The following DPP10 variants were observed in gnomAD, a reference collection of about 807,000 sequenced individuals.
The protein encoded by DPP10 is inactive dipeptidyl peptidase 10.
A neutral mutation model predicts 120.9 loss-of-function variants in DPP10; 33 were observed. The observed-to-expected ratio is 0.27, with a 90% CI of 0.21 to 0.37. The LOEUF (loss-of-function observed/expected upper bound fraction) is 0.37, where lower values mean the gene tolerates loss of function less well. Ranked by LOEUF, DPP10 falls within the 10% of genes least tolerant of loss-of-function variation. DPP10 has a pLI of 1.00. For synonymous variants in DPP10, 337 were observed against 326.1 expected, an observed-to-expected ratio of 1.03 and a Z score of -0.36; for missense variants, 816 against 942.8, an observed-to-expected ratio of 0.87 and a Z score of 1.76.
intron 1 of DPP10, among the ~76,000 whole-genome samples, chr2:114,607,850 C>T (rs1046455673): frequency 2.6e-5 from 4 of 152,326 alleles, no homozygotes; most frequent in Admixed American, 2.0e-4. Flanking sequence ...TGAGTGCCAC[C>T]GCACCAACCC....
intron 1 of DPP10, among the ~76,000 whole-genome samples, chr2:114,837,860 T>C (rs1011480352): frequency 3.3e-5 from 5 of 152,224 alleles, no homozygotes; most frequent in Non-Finnish European, 5.9e-5. Context: ...ACAATGTCCA[T>C]CTATTGCAGG....
At chr2:114,893,350 G>A (rs767496372) in intron 1 of DPP10, among the ~76,000 whole-genome samples, 1 of 152,146 alleles carries the variant, frequency 6.6e-6, no homozygotes, top group Non-Finnish European at 1.5e-5. Flanking sequence ...CAGATTAAAT[G>A]TTGCAGAGAT....
At chr2:115,648,623 AAAAG>A (rs2087485117) in intron 5 of DPP10, among the ~76,000 whole-genome samples, 1 of 152,076 alleles carries the variant, frequency 6.6e-6, no homozygotes, top group Admixed American at 6.6e-5. Flanking sequence ...AAAAAAAAAA[AAAAG>A]AAACATTAAA....
At chr2:115,365,124 G>T (rs533527064) in intron 3 of DPP10, among the ~76,000 whole-genome samples, 92 of 152,136 alleles carry the variant, frequency 6.0e-4, no homozygotes, top group Non-Finnish European at 1.1e-3. Context: ...AAATATTTAT[G>T]TTTAGATTCC....
chr2:115,307,570 A>G (rs764500838), intron 1 of DPP10, among the ~76,000 whole-genome samples: 2 of 151,952 alleles, frequency 1.3e-5, no homozygotes, highest in South Asian at 4.1e-4. Context: ...TCACTGTCTC[A>G]GTTCTTGAGA....
chr2:115,376,813 G>A (rs1316875262), intron 3 of DPP10, among the ~76,000 whole-genome samples: 6 of 149,590 alleles, frequency 4.0e-5, no homozygotes, highest in African/African-American at 9.8e-5. Flanking sequence ...TTGGTTTTTT[G>A]TTCTTGCGAT....
rs138820593 is a variant in DPP10 at position 115,795,921 on chromosome 2, C to T, written c.1700+4565C>T. Among the ~76,000 whole-genome samples the T allele has an allele frequency of 3.4e-4, 52 of 152,178 alleles. 1 individual carries two copies. The East Asian group carries it at 5.4e-3, about 16-fold the overall frequency. ...TTTAGTTTATTGCTTTTTGCTCTCT[C>T]TCTCTTTTAGTTGCTTTTCCACTCT... On this transcript the variant is annotated intron_variant, in intron 19 of 25. Coordinates refer to ENST00000410059, the MANE Select transcript of DPP10 (RefSeq NM_020868.6).
At chr2:115,536,613 A>G (rs1355296934) in intron 5 of DPP10, among the ~76,000 whole-genome samples, 1 of 152,010 alleles carries the variant, frequency 6.6e-6, no homozygotes, top group Admixed American at 6.6e-5. Flanking sequence ...ATGCTTCCCC[A>G]GTAAAGAGAA....
At chr2:115,279,564 A>G (rs552792456) in intron 1 of DPP10, among the ~76,000 whole-genome samples, 3 of 151,550 alleles carry the variant, frequency 2.0e-5, no homozygotes, top group African/African-American at 4.8e-5. Flanking sequence ...TGCGTTTGAT[A>G]GAATCTTGTC....
chr2:115,650,210 A>G (rs1366944179), intron 5 of DPP10, among the ~76,000 whole-genome samples: 1 of 152,108 alleles, frequency 6.6e-6, no homozygotes, highest in Non-Finnish European at 1.5e-5. Context: ...GTATCTGCAG[A>G]AGTAATTAGA....
At chr2:114,697,389 A>G (rs1270899602) in intron 1 of DPP10, among the ~76,000 whole-genome samples, 2 of 152,070 alleles carry the variant, frequency 1.3e-5, no homozygotes, top group East Asian at 3.9e-4. Context: ...CTAAGTTAGT[A>G]AATTCATGGT....
At chr2:115,060,109 C>A (rs765577495) in intron 1 of DPP10, among the ~76,000 whole-genome samples, 16 of 151,670 alleles carry the variant, frequency 1.1e-4, no homozygotes, top group Non-Finnish European at 1.9e-4. Flanking sequence ...ATTTTAATGA[C>A]CCTTATAGTT....
At chr2:115,267,814 A>G (rs932209880) in intron 1 of DPP10, among the ~76,000 whole-genome samples, 6 of 152,004 alleles carry the variant, frequency 3.9e-5, no homozygotes, top group Non-Finnish European at 8.8e-5. Flanking sequence ...TGATGTCCCC[A>G]TATTTGCCAT....
At chr2:115,495,992 A>T (rs1558756227) in intron 3 of DPP10, among the ~76,000 whole-genome samples, 1 of 152,144 alleles carries the variant, frequency 6.6e-6, no homozygotes, top group African/African-American at 2.4e-5. Flanking sequence ...CTCATATTTG[A>T]TTACTTAAAG....
chr2:115,551,565 C>T (rs1025304583), intron 5 of DPP10, among the ~76,000 whole-genome samples: 8 of 152,118 alleles, frequency 5.3e-5, no homozygotes, highest in Admixed American at 2.6e-4. Flanking sequence ...TCAAGATGCT[C>T]ATGTTGATTT....
At chr2:115,196,246 G>A (rs546154308) in intron 1 of DPP10, among the ~76,000 whole-genome samples, 9 of 152,220 alleles carry the variant, frequency 5.9e-5, no homozygotes, top group Admixed American at 4.6e-4. Flanking sequence ...TTCAACTTAC[G>A]TGTATGTGAT....
intron 1 of DPP10, among the ~76,000 whole-genome samples, chr2:115,135,723 T>C (rs1298786365): frequency 1.3e-5 from 2 of 152,196 alleles, no homozygotes; most frequent in African/African-American, 4.8e-5. Flanking sequence ...ATCACCAACT[T>C]GGCCCAGGAG....
At position 115,391,301 on chromosome 2, in the gene DPP10, C is replaced by T. The variant is rs2067298364; in HGVS notation, c.271+47389C>T. On this transcript the variant is annotated intron_variant, in intron 3 of 25. Transcript: ENST00000410059. ...CTTATGACTCCAATAAATATGAAGT[C>T]CTTACTACTGGACACTGATTGTGTA... is the stretch of plus-strand genomic sequence containing the variant. Among the ~76,000 whole-genome samples, 3 of 152,240 alleles carry T rather than the reference C, an allele frequency of 2.0e-5. No homozygotes were observed. The East Asian group carries it at 5.8e-4, about 29-fold the overall frequency.
chr2:114,495,005 TGGA>T (rs973400685), intron 1 of DPP10, among the ~76,000 whole-genome samples: 2 of 152,116 alleles, frequency 1.3e-5, no homozygotes, highest in African/African-American at 4.8e-5. Flanking sequence ...TTGTGAAATT[TGGA>T]GGTCTTTAAA....
Sources: gnomAD v4.1 joint callset for allele counts (sites outside exome capture counted in the v4.1 genomes callset) on GRCh38, gnomAD v4.1.1 for gene constraint, MANE v1.5 for transcripts, NCBI Gene and HGNC (gene_info 2026-07-23, HGNC 2026-07-21) for gene names.